Variants in PRKAR1A observed in about 807,000 individuals in gnomAD.
PRKAR1A encodes cAMP-dependent protein kinase type I-alpha regulatory subunit.
Under a neutral mutation model 52.0 loss-of-function variants are expected in PRKAR1A, and 3 were observed. The observed-to-expected ratio is 0.06, with a 90% CI of 0.03 to 0.15. PRKAR1A has a LOEUF of 0.15. Among genes scored for constraint, PRKAR1A ranks in the 10% least tolerant of loss-of-function variants. The pLI is 1.00. For synonymous variants in PRKAR1A, 188 were observed against 168.4 expected, an observed-to-expected ratio of 1.12 and a Z score of -0.90; for missense variants, 240 against 477.4, an observed-to-expected ratio of 0.50 and a Z score of 4.63.
the PRKAR1A span, chr17:68,420,263 G>A: frequency 6.2e-7 from 1 of 1,614,200 alleles, no homozygotes; most frequent in Non-Finnish European, 8.5e-7. Context: ...CAACCTGGAA[G>A]ACGATACCGC....
At chr17:68,511,189 AT>A (rs1244185647), upstream of PRKAR1A, among the ~76,000 whole-genome samples, 1 of 152,018 alleles carries the variant, frequency 6.6e-6, no homozygotes, top group Non-Finnish European at 1.5e-5. Context: ...ATATGTGTGT[AT>A]TTTGCTTTTT....
intron 7 of PRKAR1A, 81 bp downstream of exon 7, chr17:68,525,993 G>C: frequency 1.3e-6 from 2 of 1,504,402 alleles, no homozygotes; most frequent in Non-Finnish European, 1.8e-6. Flanking sequence ...AAATTAAAAA[G>C]AGAATATTTC....
chr17:68,540,319 C>T (rs1177597875), intron 11 of PRKAR1A, among the ~76,000 whole-genome samples: 1 of 152,194 alleles, frequency 6.6e-6, no homozygotes, highest in Non-Finnish European at 1.5e-5. Flanking sequence ...CTCAGCTGAT[C>T]CTGGTTATAG....
the PRKAR1A span, among the ~76,000 whole-genome samples, chr17:68,489,648 T>G: frequency 1.3e-5 from 2 of 151,630 alleles, no homozygotes; most frequent in Non-Finnish European, 2.9e-5. Context: ...CCTCCCAGGT[T>G]CAAGTGATTC....
At chr17:68,514,152 T>C (rs1051545995) in intron 1 of PRKAR1A, among the ~76,000 whole-genome samples, 2 of 152,236 alleles carry the variant, frequency 1.3e-5, no homozygotes, top group South Asian at 4.1e-4. Context: ...GCCACGAACT[T>C]TCTAATGGTC....
At chr17:68,425,945 A>AATACTAGAGCAGAGAATTAGT in the PRKAR1A span, 144 of 716,806 alleles carry the variant, frequency 2.0e-4, no homozygotes, top group African/African-American at 2.4e-3. Context: ...TGGCTTTCCA[A>AATACTAGAGCAGAGAATTAGT]ATACTAGAGC....
the PRKAR1A span, among the ~76,000 whole-genome samples, chr17:68,430,929 A>G: frequency 2.0e-5 from 3 of 152,084 alleles, no homozygotes; most frequent in Non-Finnish European, 4.4e-5. Flanking sequence ...GAGCTCTGGG[A>G]GGTATTCTTT....
At chr17:68,451,815 A>G in the PRKAR1A span, among the ~76,000 whole-genome samples, 1 of 152,210 alleles carries the variant, frequency 6.6e-6, no homozygotes, top group Non-Finnish European at 1.5e-5. Flanking sequence ...TTCTGTACTC[A>G]GGAAGAAGTT....
At chr17:68,529,814 C>A in intron 9 of PRKAR1A, 106 bp from the exon 10 acceptor site, 1 of 1,048,240 alleles carries the variant, frequency 9.5e-7, no homozygotes, top group Non-Finnish European at 1.5e-6. Context: ...CATTTTTTAT[C>A]ATATGCACAC....
At chr17:68,457,549 CCCCTACCCCGCCCCGT>C in the PRKAR1A span, 2 of 208,422 alleles carry the variant, frequency 9.6e-6, no homozygotes, top group Admixed American at 1.1e-4. Context: ...CCCCACCCCG[CCCCTACCCCGCCCCGT>C]CCCCACCCCG....
At chr17:68,463,541 A>G in the PRKAR1A span, among the ~76,000 whole-genome samples, 1 of 152,320 alleles carries the variant, frequency 6.6e-6, no homozygotes, top group African/African-American at 2.4e-5. Context: ...AACAAGAAAA[A>G]TGAGATGTAT....
the PRKAR1A span, among the ~76,000 whole-genome samples, chr17:68,485,841 C>T: frequency 3.3e-5 from 5 of 152,062 alleles, no homozygotes; most frequent in African/African-American, 7.2e-5. Flanking sequence ...TGGGTTAAAG[C>T]GATTCTCCTG....
intron 6 of PRKAR1A, 121 bp downstream of exon 6, chr17:68,525,079 A>G (rs2085744859): frequency 1.2e-6 from 1 of 810,744 alleles, no homozygotes; most frequent in Admixed American, 2.2e-5. Context: ...GATTTTATTA[A>G]TACCTTTTGC....
intron 2 of PRKAR1A, among the ~76,000 whole-genome samples, chr17:68,517,065 A>C (rs569170605): frequency 6.6e-6 from 1 of 152,242 alleles, no homozygotes; most frequent in South Asian, 2.1e-4. Context: ...TACTGTTTAA[A>C]GACTAACAAA....
the PRKAR1A span, chr17:68,434,722 C>G: frequency 3.9e-6 from 5 of 1,279,326 alleles, no homozygotes; most frequent in Non-Finnish European, 5.5e-6. Context: ...TTTTGAACAT[C>G]TGTCTCTGAG....
intron 11 of PRKAR1A, among the ~76,000 whole-genome samples, chr17:68,546,814 T>G (rs1600545483): frequency 8.2e-6 from 1 of 122,516 alleles, no homozygotes. Context: ...TGGGCGAGAG[T>G]GCGAGACTAC....
In PRKAR1A at chr17:68,530,724, G is replaced by A. The variant is rs1220683608; in HGVS notation, c.*275G>A. 7.4e-7 allele frequency: 1 copy of A among 1,356,012 alleles called. No homozygotes were observed. Among genetic ancestry groups the A allele is most frequent in the African/African-American group, 1.5e-5 (1 of 68,518 alleles). 84.0% of individuals were successfully genotyped at this position (1,356,012 alleles called of 1,614,324 possible). A position where few individuals can be genotyped will look rare whatever the true frequency, so the allele number is the denominator to read the frequency against. ...TTAGTATTCACCCTGGGCAGTGAGT[G>A]CCATGCTTTTTGGTGAGGGCAGATC... On this transcript the variant is annotated 3_prime_UTR_variant, in exon 11 of 11. Coordinates refer to ENST00000589228, the MANE Select transcript of PRKAR1A (RefSeq NM_002734.5).
intron 11 of PRKAR1A, chr17:68,543,816 G>A (rs757743891): frequency 1.5e-5 from 16 of 1,094,098 alleles, no homozygotes; most frequent in South Asian, 1.2e-4. Context: ...AAGGAAAACG[G>A]GCTTTTATGC....
the PRKAR1A span, among the ~76,000 whole-genome samples, chr17:68,500,739 A>G: frequency 6.6e-6 from 1 of 150,926 alleles, no homozygotes; most frequent in Admixed American, 6.6e-5. Context: ...CTGGTCTTGA[A>G]CTCCTGACCT....
Sources: gnomAD v4.1 joint callset for allele counts (sites outside exome capture counted in the v4.1 genomes callset) on GRCh38, gnomAD v4.1.1 for gene constraint, MANE v1.5 for transcripts, NCBI Gene and HGNC (gene_info 2026-07-23, HGNC 2026-07-21) for gene names.